Variants in RBFOX1 observed in about 807,000 individuals in gnomAD.
RBFOX1 encodes the protein RNA binding fox-1 homolog 1.
RBFOX1 carries 8 observed loss-of-function variants against 57.7 expected under a neutral mutation model. That is an observed-to-expected ratio of 0.14 (90% CI 0.08 to 0.25). The LOEUF (loss-of-function observed/expected upper bound fraction) is 0.25. RBFOX1 is among the 10% of genes least tolerant of loss of function. RBFOX1 has a pLI of 1.00. For missense variants in RBFOX1, 611 were observed against 548.5 expected (o/e 1.11, Z -1.14); for synonymous variants, 326 against 222.4 (o/e 1.47, Z -4.15).
At chr16:6,612,078 C>G (rs913064045) in intron 2 of RBFOX1, among the ~76,000 whole-genome samples, 1 of 152,156 alleles carries the variant, frequency 6.6e-6, no homozygotes, top group African/African-American at 2.4e-5. Context: ...ATATTTACGT[C>G]TAAAACAACC....
At chr16:6,326,750 T>C (rs2152799893) in intron 2 of RBFOX1, among the ~76,000 whole-genome samples, 1 of 152,182 alleles carries the variant, frequency 6.6e-6, no homozygotes, top group African/African-American at 2.4e-5. Flanking sequence ...TAGGAGGCAA[T>C]TTCAAGCAGA....
At chr16:6,213,073 T>A (rs1369162754) in intron 1 of RBFOX1, among the ~76,000 whole-genome samples, 1 of 152,248 alleles carries the variant, frequency 6.6e-6, no homozygotes, top group Non-Finnish European at 1.5e-5. Flanking sequence ...TCACATCTTC[T>A]GTGCCAAAAA....
At chr16:7,366,936 T>C (rs1162619233) in intron 4 of RBFOX1, among the ~76,000 whole-genome samples, 1 of 152,206 alleles carries the variant, frequency 6.6e-6, no homozygotes, top group Non-Finnish European at 1.5e-5. Flanking sequence ...GCATGTTTAC[T>C]CTTTTAAAAA....
chr16:6,554,324 G>A (rs1007703877), intron 2 of RBFOX1, among the ~76,000 whole-genome samples: 1 of 152,154 alleles, frequency 6.6e-6, no homozygotes, highest in African/African-American at 2.4e-5. Context: ...CCATCCCCGT[G>A]AAGTGTTGGG....
At chr16:7,253,064 C>T (rs1182781367) in intron 4 of RBFOX1, among the ~76,000 whole-genome samples, 1 of 152,140 alleles carries the variant, frequency 6.6e-6, no homozygotes, top group African/African-American at 2.4e-5. Flanking sequence ...TTCATTTACG[C>T]TCTTATAATT....
chr16:7,335,749 G>C (rs911668427), intron 4 of RBFOX1, among the ~76,000 whole-genome samples: 1 of 152,150 alleles, frequency 6.6e-6, no homozygotes, highest in African/African-American at 2.4e-5. Context: ...AGCAATAATT[G>C]ATAGTTATCA....
intron 4 of RBFOX1, among the ~76,000 whole-genome samples, chr16:7,290,624 A>G (rs564714436): frequency 5.3e-5 from 8 of 152,338 alleles, no homozygotes; most frequent in African/African-American, 1.9e-4. Flanking sequence ...TCATTCACTC[A>G]ACTAATATTT....
At position 7,518,350 on chromosome 16, in the gene RBFOX1, G is replaced by C. The variant is rs775977215; in HGVS notation, c.231G>C (p.Pro77=). ...CCCAGACGCACTCCGAGCAGAGCCC[G>C]GCGGACACGAGCGCTCAGACCGTCT... ...PPAQTHSEQS[P]ADTSAQTVSG... The change falls in exon 5 of 16, where the codon CCG becomes CCC. Residue 77 remains proline (P), a synonymous_variant. Transcript: ENST00000550418. 1 of 1,613,406 alleles carries C rather than the reference G, an allele frequency of 6.2e-7. No individual in the cohort carries two copies. The highest frequency in any genetic ancestry group is 1.3e-5 in the African/African-American group (1 of 75,042).
chr16:7,633,571 G>A (rs2061318913), intron 11 of RBFOX1, among the ~76,000 whole-genome samples: 2 of 151,972 alleles, frequency 1.3e-5, no homozygotes, highest in Admixed American at 1.3e-4. Context: ...AAAGAAAATA[G>A]CTAATTTTAC....
At chr16:5,873,614 G>A (rs1442110838) in intron 4 of RBFOX1, among the ~76,000 whole-genome samples, 1 of 152,200 alleles carries the variant, frequency 6.6e-6, no homozygotes. Flanking sequence ...CTGGGAATAC[G>A]TGTACAAAGT....
chr16:6,326,144 C>G (rs1207196888), intron 2 of RBFOX1, among the ~76,000 whole-genome samples: 1 of 152,206 alleles, frequency 6.6e-6, no homozygotes, highest in Non-Finnish European at 1.5e-5. Flanking sequence ...CATTCTAGCT[C>G]AAGTTGCTAT....
At chr16:7,582,704 G>A (rs1312501612) in intron 6 of RBFOX1, among the ~76,000 whole-genome samples, 1 of 152,174 alleles carries the variant, frequency 6.6e-6, no homozygotes. Flanking sequence ...ATTTGGACAT[G>A]AGACATCTTC....
chr16:6,036,600 T>C (rs1239697722), intron 1 of RBFOX1, among the ~76,000 whole-genome samples: 2 of 80,800 alleles, frequency 2.5e-5, no homozygotes, highest in African/African-American at 4.2e-5. Context: ...GGTCAGACAG[T>C]GTCTGTCTCT....
In RBFOX1 at chr16:5,522,561, C is replaced by T; in HGVS notation, c.258+55307C>T. On this transcript the variant is annotated intron_variant, in intron 2 of 2. Transcript: ENST00000585867. Reference sequence around the variant, plus strand: ...GTGTTGGAAAATGTTCAAATCCTCTCTTCTAGCTATTTTGAGATATACAGT... The same window carrying T: ...GTGTTGGAAAATGTTCAAATCCTCTTTTCTAGCTATTTTGAGATATACAGT... Among the ~76,000 whole-genome samples, 2 of 152,198 alleles carry T rather than the reference C, an allele frequency of 1.3e-5. 1 individual carries two copies. The highest frequency in any genetic ancestry group is 2.9e-5 in the Non-Finnish European group (2 of 68,044).
intron 3 of RBFOX1, among the ~76,000 whole-genome samples, chr16:6,868,537 T>C (rs2060325702): frequency 6.6e-6 from 1 of 152,156 alleles, no homozygotes; most frequent in South Asian, 2.1e-4. Context: ...GGTAGTATGA[T>C]AACGGCTCAC....
intron 4 of RBFOX1, among the ~76,000 whole-genome samples, chr16:7,280,460 G>C (rs1041423209): frequency 2.0e-5 from 3 of 152,194 alleles, no homozygotes; most frequent in African/African-American, 7.2e-5. Context: ...AGAATAATAA[G>C]GTGTTGGTAG....
intron 2 of RBFOX1, among the ~76,000 whole-genome samples, chr16:5,467,681 T>A (rs1007799690): frequency 4.6e-5 from 7 of 152,206 alleles, no homozygotes; most frequent in Non-Finnish European, 8.8e-5. Flanking sequence ...CAAACAGATC[T>A]ATACCTTAGG....
chr16:7,470,186 C>T (rs1382398419), intron 4 of RBFOX1, among the ~76,000 whole-genome samples: 1 of 152,142 alleles, frequency 6.6e-6, no homozygotes, highest in African/African-American at 2.4e-5. Context: ...CCCAGGTGCA[C>T]CCTTGGGTCA....
chr16:6,696,470 C>T lies in RBFOX1; in HGVS notation c.-16+41820C>T, dbSNP rs559650191. 5.9e-5 allele frequency among the ~76,000 whole-genome samples: 9 copies of T among 152,104 alleles called. No homozygotes were observed. The South Asian group carries it at 6.2e-4, about 11-fold the overall frequency. On this transcript the variant is annotated intron_variant, in intron 3 of 15. Transcript: ENST00000550418. The stretch of plus-strand genomic sequence containing the variant: ...TAAATATAATCTTTGAAATTGGAGT[C>T]GATGTAAATCCAGAGGTAATGAGAT...
Sources: gnomAD v4.1 joint callset for allele counts (sites outside exome capture counted in the v4.1 genomes callset) on GRCh38, gnomAD v4.1.1 for gene constraint, MANE v1.5 for transcripts, NCBI Gene and HGNC (gene_info 2026-07-23, HGNC 2026-07-21) for gene names.